CTSF: variants seen among roughly 807,000 people sequenced by gnomAD.
CTSF encodes the protein cathepsin F.
A neutral mutation model predicts 63.5 loss-of-function variants in CTSF; 65 were observed. The observed-to-expected ratio is 1.02, with a 90% CI of 0.84 to 1.26. CTSF has a LOEUF of 1.26. CTSF is among the 50% of genes most tolerant of loss of function. The probability of loss-of-function intolerance (pLI) is 0.00; values close to 1 mark genes in which losing one functional copy is unlikely to be tolerated. For missense variants in CTSF, 641 were observed against 631.0 expected (o/e 1.02, Z -0.17); for synonymous variants, 256 against 258.1 (o/e 0.99, Z 0.08).
At chr11:66,565,460 C>A (rs957571550) in intron 8 of CTSF, among the ~76,000 whole-genome samples, 3 of 152,102 alleles carry the variant, frequency 2.0e-5, no homozygotes, top group African/African-American at 7.2e-5. Flanking sequence ...CAACCTGGTC[C>A]TGAACTTCTG....
In CTSF at chr11:66,567,498, T is replaced by G. The variant is rs773296151; in HGVS notation, c.477A>C (p.Arg159Ser). ...AAATGACTGAGCTGAAAGTCTCGTT[T>G]CTGTTGTCTGGATGGTTTTGGGACA... ...SSLSQNHPDN[R>S]NETFSSVISL... The change falls in exon 3 of 13, where the codon AGA becomes AGC. Residue 159 changes from arginine (R) to serine (S), a missense_variant. By Grantham distance (110) the Arg-to-Ser change is moderately radical (BLOSUM62 -1). Transcript: ENST00000310325. The G allele has an allele frequency of 6.2e-7, 1 of 1,614,178 alleles. No individual in the cohort carries two copies. The highest frequency in any genetic ancestry group is 8.5e-7 in the Non-Finnish European group (1 of 1,180,036).
intron 4 of CTSF, among the ~76,000 whole-genome samples, chr11:66,566,996 G>T (rs1437453461): frequency 6.6e-6 from 1 of 152,110 alleles, no homozygotes; most frequent in Non-Finnish European, 1.5e-5. Context: ...CCAAAGTACT[G>T]CGATTACAGA....
chr11:66,565,171 G>A (rs1013695909), intron 8 of CTSF, among the ~76,000 whole-genome samples, 165 bp from the exon 9 acceptor site: 3 of 152,184 alleles, frequency 2.0e-5, no homozygotes, highest in Non-Finnish European at 2.9e-5. Context: ...CACATCTGAG[G>A]CTGGGAGAGA....
rs768927293 is a variant in CTSF at position 66,565,664 on chromosome 11, T to C, written c.1045+7A>G. On this transcript the variant is annotated splice_region_variant and intron_variant, in intron 8 of 12. Coordinates refer to ENST00000310325, the MANE Select transcript of CTSF (RefSeq NM_003793.4). ...CGGTTGCCCCTCCTGACCCCATTAA[T>C]GCATACCCAAATTCTTTATGGCCGA... 1.2e-6 allele frequency: 2 copies of C among 1,613,298 alleles called. No individual in the cohort carries two copies. The highest frequency in any genetic ancestry group is 2.2e-5 in the East Asian group (1 of 44,886).
At position 66,567,515 on chromosome 11, in the gene CTSF, T is replaced by C; in HGVS notation, c.460A>G (p.Asn154Asp). The change falls in exon 3 of 13, where the codon AAC becomes GAC. Residue 154 changes from asparagine to aspartate, a missense_variant. Physicochemically the swap from Asn to Asp is conservative, Grantham distance 23 (BLOSUM62 1). Transcript: ENST00000310325. ...GTCTCGTTTCTGTTGTCTGGATGGT[T>C]TTGGGACAGAGAAGAAATCATGGCT... ...GSAMISSLSQ[N>D]HPDNRNETFS... 3 of 1,614,116 alleles carry C rather than the reference T, an allele frequency of 1.9e-6. No homozygotes were observed. The highest frequency in any genetic ancestry group is 2.5e-6 in the Non-Finnish European group (3 of 1,180,014).
At position 66,568,571 on chromosome 11, in the gene CTSF, T is replaced by A; in HGVS notation, c.-85A>T. On this transcript the variant is annotated 5_prime_UTR_variant, in exon 1 of 13. Transcript: ENST00000310325. Reference sequence around the variant, plus strand: ...GAGCCCGCGGCCAGCGGGGCCTGAGTCCTCCCTCCAGCGGGGCGACGGCAC... The same window carrying A: ...GAGCCCGCGGCCAGCGGGGCCTGAGACCTCCCTCCAGCGGGGCGACGGCAC... The A allele has an allele frequency of 7.1e-7, 1 of 1,401,054 alleles. No individual in the cohort carries two copies. Among genetic ancestry groups the A allele is most frequent in the Non-Finnish European group, 9.3e-7 (1 of 1,074,986 alleles). The allele number at this position is 1,401,054 out of a possible 1,614,324, so 86.8% of individuals were successfully genotyped here.
In CTSF at chr11:66,568,073, C is replaced by A. The variant is rs746945718; in HGVS notation, c.223G>T (p.Gly75Trp). Residue 75 changes from glycine to tryptophan, a missense_variant, in exon 2 of 13, where the codon GGG becomes TGG. Coordinates refer to ENST00000310325, the MANE Select transcript of CTSF (RefSeq NM_003793.4). The stretch of plus-strand genomic sequence containing the variant: ...GTGGCCTCCAGGGAGTACAGCGACC[C>A]CTGACCCGCCTGGAGAGAGGAGTAG... ...VRGRVRRAGQ[G>W]SLYSLEATLE... 3.1e-6 allele frequency: 5 copies of A among 1,591,660 alleles called. No individual in the cohort carries two copies. Among genetic ancestry groups the A allele is most frequent in the East Asian group, 4.6e-5 (2 of 43,268 alleles).
In CTSF at chr11:66,563,859, G is replaced by A. The variant is rs1328868608; in HGVS notation, c.*74C>T. The A allele has an allele frequency of 2.7e-5, 42 of 1,576,420 alleles. No homozygotes were observed. Among genetic ancestry groups the A allele is most frequent in the Non-Finnish European group, 3.6e-5 (41 of 1,154,832 alleles). On this transcript the variant is annotated 3_prime_UTR_variant, in exon 13 of 13. Transcript: ENST00000310325. ...CTCTGCCAGCTGTACCTCCCGGGGA[G>A]GGGCCTGGACACATGTCAGGCTGGG... is the stretch of plus-strand genomic sequence containing the variant.
chr11:66,564,592 A>T lies in CTSF; in HGVS notation c.1287T>A (p.Ile429=), dbSNP rs1857884176. ...PLRPLCSPWL[I]DHAVLLVGYG... is the part of the protein sequence containing the mutation. ...AGCCCACAAGCAACACCGCATGGTCAATGAGCCAAGGGCTGCAGAGGGGCC... is the reference window on the plus strand; with the variant it reads ...AGCCCACAAGCAACACCGCATGGTCTATGAGCCAAGGGCTGCAGAGGGGCC... Residue 429 remains isoleucine (I), a synonymous_variant, in exon 11 of 13, where the codon ATT becomes ATA. Transcript: ENST00000310325. The T allele has an allele frequency of 7.5e-6, 12 of 1,590,132 alleles. No individual in the cohort carries two copies. The highest frequency in any genetic ancestry group is 1.0e-5 in the Non-Finnish European group (12 of 1,168,876).
chr11:66,566,039 T>C lies in CTSF; in HGVS notation c.850A>G (p.Thr284Ala). 6.2e-7 allele frequency: 1 copy of C among 1,614,182 alleles called. No individual in the cohort carries two copies. Among genetic ancestry groups the C allele is most frequent in the South Asian group, 1.1e-5 (1 of 91,082 alleles). The change falls in exon 6 of 13, where the codon ACA becomes GCA. Residue 284 changes from threonine (T) to alanine (A), a missense_variant. By Grantham distance (58) the Thr-to-Ala change is moderately conservative. Transcript: ENST00000310325. ...GGTCCAACCTGGTCTTTGACTTTTG[T>C]GACAGCCCCCTTACTCCTCCAGTCC... ...EWDWRSKGAV[T>A]KVKDQGMCGS...
chr11:66,567,898 C>A, intron 2 of CTSF, 86 bp downstream of exon 2: 3 of 1,488,190 alleles, frequency 2.0e-6, no homozygotes, highest in Non-Finnish European at 2.7e-6. Context: ...TACCTCAGAT[C>A]CCTGCGTCTT....
chr11:66,565,839 G>A lies in CTSF; in HGVS notation c.956C>T (p.Ser319Phe), dbSNP rs1857917060. ...FLNQGTLLSL[S>F]EQELLDCDKM... Reference sequence around the variant, plus strand: ...TAGAGCGAGATGCTCACCCTGTTCAGAGAGGGAGAGCAGGGTCCCCTGGTT... The same window carrying A: ...TAGAGCGAGATGCTCACCCTGTTCAAAGAGGGAGAGCAGGGTCCCCTGGTT... The change falls in exon 7 of 13, where the codon TCT (serine) becomes TTT (phenylalanine). Residue 319 changes from serine to phenylalanine, a missense_variant. By Grantham distance (155) the Ser-to-Phe change is radical. Transcript: ENST00000310325. 5 of 1,613,826 alleles carry A rather than the reference G, an allele frequency of 3.1e-6. No individual in the cohort carries two copies. Among genetic ancestry groups the A allele is most frequent in the South Asian group, 2.2e-5 (2 of 91,092 alleles).
chr11:66,566,246 C>G (rs748923631), intron 5 of CTSF, 45 bp downstream of exon 5: 3 of 1,613,906 alleles, frequency 1.9e-6, no homozygotes, highest in East Asian at 4.5e-5. Flanking sequence ...CGAGCAAGGT[C>G]CTGTCTCTTC....
chr11:66,567,714 G>A (rs1857965626), intron 2 of CTSF, 52 bp from the exon 3 acceptor site: 3 of 1,574,446 alleles, frequency 1.9e-6, no homozygotes, highest in Admixed American at 1.8e-5. Flanking sequence ...GATCTGGGGA[G>A]CAAGATCTGG....
In CTSF at chr11:66,564,955, C is replaced by T; in HGVS notation, c.1097G>A (p.Cys366Tyr). ...DYSYQGHMQS[C>Y]NFSAEKAKVY... ...CTTGGCCTTCTCTGCTGAGAAGTTG[C>T]AGGACTGCATGTGACCCTGGTAGCT... is the stretch of plus-strand genomic sequence containing the variant. Residue 366 changes from cysteine to tyrosine, a missense_variant, in exon 9 of 13, where the codon TGC (cysteine) becomes TAC (tyrosine). Physicochemically the swap from Cys to Tyr is radical, Grantham distance 194. Coordinates refer to ENST00000310325, the MANE Select transcript of CTSF (RefSeq NM_003793.4). The T allele has an allele frequency of 1.3e-6, 2 of 1,598,508 alleles. No individual in the cohort carries two copies. The highest frequency in any genetic ancestry group is 1.7e-6 in the Non-Finnish European group (2 of 1,169,300).
chr11:66,564,923 T>C lies in CTSF; in HGVS notation c.1129A>G (p.Ile377Val). ...TGGCTCAGCTCCACGGAGTCATTGA[T>C]GTAGACCTTGGCCTTCTCTGCTGAG... ...NFSAEKAKVY[I>V]NDSVELSQNE... Residue 377 changes from isoleucine to valine, a missense_variant, in exon 9 of 13, where the codon ATC (isoleucine) becomes GTC (valine). By Grantham distance (29) the Ile-to-Val change is conservative (BLOSUM62 3). Coordinates refer to ENST00000310325, the MANE Select transcript of CTSF (RefSeq NM_003793.4). The C allele has an allele frequency of 2.5e-6, 4 of 1,607,906 alleles. No homozygotes were observed. Among genetic ancestry groups the C allele is most frequent in the South Asian group, 1.1e-5 (1 of 90,644 alleles).
chr11:66,565,795 T>TA, intron 7 of CTSF, 36 bp downstream of exon 7: 1 of 1,613,848 alleles, frequency 6.2e-7, no homozygotes, highest in Non-Finnish European at 8.5e-7. Context: ...CCTGAGGGGC[T>TA]AGGCTGGGGA....
Position 66,568,530 on chromosome 11 carries a change from C to T in CTSF, c.-44G>A. On this transcript the variant is annotated 5_prime_UTR_variant, in exon 1 of 13. Coordinates refer to ENST00000310325, the MANE Select transcript of CTSF (RefSeq NM_003793.4). ...GGCCCGGACCCAACAGACGCTCCAC[C>T]GACCCACCGGGTACCGAGCCCGCGG... 1.4e-6 allele frequency: 2 copies of T among 1,479,124 alleles called. No homozygotes were observed. The highest frequency in any genetic ancestry group is 1.8e-6 in the Non-Finnish European group (2 of 1,121,834). The allele number at this position is 1,479,124 out of a possible 1,614,324, so 91.6% of individuals were successfully genotyped here.
rs774915635 is a variant in CTSF, at chr11:66,568,033, G to A, written c.263C>T (p.Pro88Leu). Residue 88 changes from proline (P) to leucine (L), a missense_variant, in exon 2 of 13, where the codon CCC becomes CTC. Coordinates refer to ENST00000310325, the MANE Select transcript of CTSF (RefSeq NM_003793.4). ...YSLEATLEEP[P>L]CNDPMVCRLP... ...CCGGCACACCATGGGGTCGTTGCAG[G>A]GTGGCTCCTCCAGGGTGGCCTCCAG... The A allele has an allele frequency of 8.1e-6, 13 of 1,603,290 alleles. No homozygotes were observed. The African/African-American group carries it at 1.5e-4, about 18-fold the overall frequency.
Sources: allele counts gnomAD v4.1 joint callset (sites outside exome capture counted in the v4.1 genomes callset), GRCh38; gene constraint gnomAD v4.1.1; transcripts MANE v1.5; gene names NCBI Gene and HGNC (gene_info 2026-07-23, HGNC 2026-07-21).